The following PTPRD variants were observed in gnomAD, a reference collection of about 807,000 sequenced individuals.
PTPRD encodes protein tyrosine phosphatase receptor type D.
A neutral mutation model predicts 214.5 loss-of-function variants in PTPRD; 34 were observed. That is an observed-to-expected ratio of 0.16 (90% CI 0.12 to 0.21). The LOEUF (loss-of-function observed/expected upper bound fraction) is 0.21. Ranked by LOEUF, PTPRD falls within the 10% of genes least tolerant of loss-of-function variation. The pLI, the probability that PTPRD is intolerant of heterozygous loss-of-function variation, is 1.00. For synonymous variants in PTPRD, 1,128 were observed against 845.7 expected, an observed-to-expected ratio of 1.33 and a Z score of -5.79; for missense variants, 2,545 against 2,398.7, an observed-to-expected ratio of 1.06 and a Z score of -1.27.
rs1028218887 is a variant in PTPRD at position 10,136,364 on chromosome 9, G to A, written c.-544-102574C>T. 6.6e-5 allele frequency among the ~76,000 whole-genome samples: 10 copies of A among 152,006 alleles called. No individual in the cohort carries two copies. In the South Asian group the frequency reaches 1.2e-3, roughly 19 times the overall value. ...TAACAGAAATTTTGGACTTAAACTC[G>A]ACACTTGACGAATTGTTCCTAATAG... On this transcript the variant is annotated intron_variant, in intron 3 of 45. Transcript: ENST00000381196.
At chr9:10,115,446 C>T (rs761671413) in intron 3 of PTPRD, among the ~76,000 whole-genome samples, 1 of 151,982 alleles carries the variant, frequency 6.6e-6, no homozygotes, top group African/African-American at 2.4e-5. Flanking sequence ...AATTTGAGAA[C>T]TACTAGTTAC....
intron 3 of PTPRD, among the ~76,000 whole-genome samples, chr9:10,108,657 T>C (rs905853644): frequency 6.6e-6 from 1 of 152,106 alleles, no homozygotes; most frequent in African/African-American, 2.4e-5. Context: ...TGAAGAGATT[T>C]CTGCACTCTC....
At chr9:8,381,573 G>C (rs1314444910) in intron 37 of PTPRD, among the ~76,000 whole-genome samples, 1 of 152,012 alleles carries the variant, frequency 6.6e-6, no homozygotes, top group Non-Finnish European at 1.5e-5. Flanking sequence ...ATTTAGTGGA[G>C]GACAAAGAGG....
intron 5 of PTPRD, among the ~76,000 whole-genome samples, chr9:9,927,968 CAACT>C (rs1394423461): frequency 6.9e-6 from 1 of 144,590 alleles, no homozygotes; most frequent in Non-Finnish European, 1.5e-5. Flanking sequence ...TGTTTGGGTA[CAACT>C]AACATAAAAC....
chr9:9,131,219 T>A (rs2099842076), intron 10 of PTPRD, among the ~76,000 whole-genome samples: 1 of 152,174 alleles, frequency 6.6e-6, no homozygotes, highest in Non-Finnish European at 1.5e-5. Flanking sequence ...TACTTACACG[T>A]TGATGCAAAT....
chr9:9,451,879 T>C (rs1329872149), intron 8 of PTPRD, among the ~76,000 whole-genome samples: 1 of 151,376 alleles, frequency 6.6e-6, no homozygotes, highest in Non-Finnish European at 1.5e-5. Context: ...GAGAAAAAAT[T>C]CATTACAGAG....
At chr9:9,168,502 C>G (rs1224237099) in intron 10 of PTPRD, among the ~76,000 whole-genome samples, 1 of 151,784 alleles carries the variant, frequency 6.6e-6, no homozygotes, top group Non-Finnish European at 1.5e-5. Flanking sequence ...TTAAAATATC[C>G]CATGGTGTTA....
chr9:8,405,902 A>T (rs1239510289), intron 35 of PTPRD, among the ~76,000 whole-genome samples: 4 of 152,172 alleles, frequency 2.6e-5, no homozygotes, highest in Non-Finnish European at 2.9e-5. Flanking sequence ...TTCTGTCAAA[A>T]GGCACAGAAT....
chr9:9,193,119 A>T (rs2099936250), intron 9 of PTPRD, among the ~76,000 whole-genome samples: 1 of 152,184 alleles, frequency 6.6e-6, no homozygotes, highest in East Asian at 1.9e-4. Flanking sequence ...GTTAAATGTA[A>T]GTAAATAAAA....
chr9:9,830,532 T>G (rs79011396), intron 5 of PTPRD, among the ~76,000 whole-genome samples: 37 of 152,052 alleles, frequency 2.4e-4, no homozygotes, highest in African/African-American at 8.7e-4. Flanking sequence ...AAAAACTTGT[T>G]AATTTTATTA....
intron 39 of PTPRD, among the ~76,000 whole-genome samples, chr9:8,358,517 T>C (rs942072965): frequency 6.6e-6 from 1 of 152,222 alleles, no homozygotes; most frequent in Non-Finnish European, 1.5e-5. Context: ...AAATACATCA[T>C]TTATTTATTC....
chr9:9,511,578 C>T (rs778900688), intron 8 of PTPRD, among the ~76,000 whole-genome samples: 11 of 151,548 alleles, frequency 7.3e-5, no homozygotes, highest in East Asian at 5.8e-4. Flanking sequence ...AAGTGTCAAA[C>T]GTTAAATTAA....
chr9:9,088,059 T>C (rs1591395091), intron 10 of PTPRD, among the ~76,000 whole-genome samples: 1 of 151,396 alleles, frequency 6.6e-6, no homozygotes, highest in East Asian at 2.0e-4. Flanking sequence ...TTTTTGTATT[T>C]TTAGTAGACA....
intron 39 of PTPRD, among the ~76,000 whole-genome samples, chr9:8,350,722 AATT>A (rs2075214525): frequency 6.6e-6 from 1 of 152,146 alleles, no homozygotes; most frequent in South Asian, 2.1e-4. Context: ...TAACTAGAGA[AATT>A]ATATTAATTT....
rs150351533 is a variant in PTPRD at position 9,167,547 on chromosome 9, G to A, written c.-143+15757C>T. On this transcript the variant is annotated intron_variant, in intron 10 of 45. Coordinates refer to ENST00000381196, the MANE Select transcript of PTPRD (RefSeq NM_002839.4). ...AGGTGGGTGGATCACCTGAGATCGG[G>A]AGTTCGAGACCAGCCTGATCAACAT... 7.6e-4 allele frequency among the ~76,000 whole-genome samples: 116 copies of A among 152,078 alleles called. 2 individuals are homozygous for A. The East Asian group carries it at 0.021, about 27-fold the overall frequency.
At chr9:9,731,040 G>A (rs911271446) in intron 7 of PTPRD, among the ~76,000 whole-genome samples, 5 of 152,196 alleles carry the variant, frequency 3.3e-5, no homozygotes, top group East Asian at 1.9e-4. Context: ...TCAGTGATTC[G>A]TAAACATTAA....
At chr9:10,321,366 T>C (rs986304620) in intron 3 of PTPRD, among the ~76,000 whole-genome samples, 5 of 151,570 alleles carry the variant, frequency 3.3e-5, no homozygotes, top group African/African-American at 1.2e-4. Flanking sequence ...AAATGAAGGG[T>C]TGAGGAAAGA....
chr9:8,467,019 A>G (rs1422440102), intron 31 of PTPRD, among the ~76,000 whole-genome samples: 1 of 151,934 alleles, frequency 6.6e-6, no homozygotes, highest in African/African-American at 2.4e-5. Context: ...TGGGAGTAGT[A>G]AATGTGTTCA....
At chr9:8,728,810 T>C (rs1215160167) in intron 12 of PTPRD, among the ~76,000 whole-genome samples, 1 of 151,954 alleles carries the variant, frequency 6.6e-6, no homozygotes, top group Non-Finnish European at 1.5e-5. Context: ...TGAAACCCCG[T>C]ATTTATTAAA....
Sources: allele counts gnomAD v4.1 joint callset (sites outside exome capture counted in the v4.1 genomes callset), GRCh38; gene constraint gnomAD v4.1.1; transcripts MANE v1.5; gene names NCBI Gene and HGNC (gene_info 2026-07-23, HGNC 2026-07-21).